RPS6KA2: variants seen among roughly 807,000 people sequenced by gnomAD.
The protein encoded by RPS6KA2 is ribosomal protein S6 kinase alpha-2.
RPS6KA2 carries 42 observed loss-of-function variants against 91.8 expected under a neutral mutation model. The observed-to-expected ratio is 0.46, with a 90% confidence interval of 0.36 to 0.59. The LOEUF (loss-of-function observed/expected upper bound fraction) is 0.59, where lower values mean the gene tolerates loss of function less well. Ranked by LOEUF, RPS6KA2 falls within the 20% of genes least tolerant of loss-of-function variation. The pLI, the probability that RPS6KA2 is intolerant of heterozygous loss-of-function variation, is 0.00. For synonymous variants in RPS6KA2, 414 were observed against 393.6 expected (o/e 1.05, Z -0.61); for missense variants, 798 against 978.5 (o/e 0.82, Z 2.46).
chr6:166,538,535 C>G, intron 2 of RPS6KA2, 133 bp downstream of exon 2: 1 of 574,132 alleles, frequency 1.7e-6, no homozygotes, highest in East Asian at 2.7e-5. Flanking sequence ...GACCCCGGTT[C>G]TGAACTGTCC....
intron 2 of RPS6KA2, among the ~76,000 whole-genome samples, chr6:166,684,645 C>T (rs935041511): frequency 3.9e-5 from 6 of 152,306 alleles, no homozygotes; most frequent in African/African-American, 1.4e-4. Flanking sequence ...CTTCACCCTG[C>T]TCTCTGCCCT....
intron 19 of RPS6KA2, among the ~76,000 whole-genome samples, chr6:166,416,155 T>C (rs2128437540): frequency 6.7e-6 from 1 of 150,326 alleles, no homozygotes; most frequent in Non-Finnish European, 1.5e-5. Context: ...CACCATCATC[T>C]TCACCACCAC....
At chr6:166,759,813 C>T (rs1269336595) in intron 2 of RPS6KA2, among the ~76,000 whole-genome samples, 3 of 152,198 alleles carry the variant, frequency 2.0e-5, no homozygotes, top group African/African-American at 4.8e-5. Flanking sequence ...AAGACACAGC[C>T]GCAGCCGAGT....
chr6:166,745,185 C>T (rs1356391361), intron 2 of RPS6KA2, among the ~76,000 whole-genome samples: 1 of 139,266 alleles, frequency 7.2e-6, no homozygotes, highest in Admixed American at 7.2e-5. Context: ...GAGTTTTGCC[C>T]TTGTTGCCCA....
intron 1 of RPS6KA2, among the ~76,000 whole-genome samples, chr6:166,586,905 G>T (rs1785193386): frequency 6.6e-6 from 1 of 152,222 alleles, no homozygotes; most frequent in South Asian, 2.1e-4. Context: ...TCCCAGTGGG[G>T]ACTACATTAC....
Position 166,451,220 on chromosome 6 carries a change from G to T in RPS6KA2, c.1089C>A (p.Val363=). The change falls in exon 13 of 21, where the codon GTC becomes GTA. Residue 363 remains valine (V), a synonymous_variant. Transcript: ENST00000265678. ...TARTPTDSPG[V]PPSANAHHLF... is the part of the protein sequence containing the mutation. The stretch of plus-strand genomic sequence containing the variant: ...GGTGATGAGCGTTTGCACTCGGGGG[G>T]ACGCCAGGAGAGTCTGTAGGTGACA... 1.9e-6 allele frequency: 3 copies of T among 1,613,970 alleles called. No individual in the cohort carries two copies. The highest frequency in any genetic ancestry group is 2.5e-6 in the Non-Finnish European group (3 of 1,179,944).
intron 1 of RPS6KA2, among the ~76,000 whole-genome samples, 167 bp from the exon 2 acceptor site, chr6:166,538,951 C>A: frequency 6.8e-6 from 1 of 146,536 alleles, no homozygotes; most frequent in African/African-American, 2.7e-5. Context: ...TTTTTTTTTT[C>A]TTAAGACGGA....
chr6:166,581,659 A>C, intron 1 of RPS6KA2, among the ~76,000 whole-genome samples: 1 of 151,576 alleles, frequency 6.6e-6, no homozygotes, highest in East Asian at 1.9e-4. Flanking sequence ...TATACCCAGA[A>C]ACAGACTAGT....
chr6:166,520,520 T>C (rs896651597), intron 3 of RPS6KA2, among the ~76,000 whole-genome samples: 1 of 152,214 alleles, frequency 6.6e-6, no homozygotes, highest in Non-Finnish European at 1.5e-5. Context: ...CTAAGAAATG[T>C]ATATCCATCC....
chr6:166,689,385 C>T lies in RPS6KA2; in HGVS notation c.124-150601G>A, dbSNP rs116248008. Reference sequence around the variant, plus strand: ...CAGGCACCTGCCACGGATATGTGTGCGTGGCTTCCCAACGTGATACAAGGA... The same window carrying T: ...CAGGCACCTGCCACGGATATGTGTGTGTGGCTTCCCAACGTGATACAAGGA... On this transcript the variant is annotated intron_variant, in intron 2 of 21. Coordinates refer to the RPS6KA2 transcript ENST00000503859. Among the ~76,000 whole-genome samples, 692 of 152,324 alleles carry T rather than the reference C, an allele frequency of 4.5e-3. 8 individuals are homozygous for T. Among genetic ancestry groups the T allele is most frequent in the African/African-American group, 0.016 (663 of 41,562 alleles).
chr6:166,627,149 G>A lies in RPS6KA2; in HGVS notation c.-130C>T. ...CCCGGCACGGCGGCCATGGGCGCGG[G>A]GCGTGGGGCGCGAGCTGCGGTCACA... On this transcript the variant is annotated 5_prime_UTR_variant, in exon 1 of 21. Coordinates refer to ENST00000265678, the MANE Select transcript of RPS6KA2 (RefSeq NM_021135.6). The A allele has an allele frequency of 8.9e-7, 1 of 1,118,322 alleles. No individual in the cohort carries two copies. The highest frequency in any genetic ancestry group is 1.1e-6 in the Non-Finnish European group (1 of 915,984). The allele number at this position is 1,118,322 out of a possible 1,614,324, so 69.3% of individuals were successfully genotyped here. A position where few individuals can be genotyped will look rare whatever the true frequency, so the allele number is the denominator to read the frequency against.
At chr6:166,633,158 G>A (rs1336854573) in intron 2 of RPS6KA2, among the ~76,000 whole-genome samples, 2 of 152,108 alleles carry the variant, frequency 1.3e-5, no homozygotes, top group African/African-American at 2.4e-5. Context: ...AGGCGGAGAC[G>A]GCAGTGAGCT....
At chr6:166,710,642 A>G (rs1789819472) in intron 2 of RPS6KA2, among the ~76,000 whole-genome samples, 1 of 152,136 alleles carries the variant, frequency 6.6e-6, no homozygotes, top group Non-Finnish European at 1.5e-5. Context: ...CTTCTCTTCC[A>G]GGAAGATGGA....
intron 2 of RPS6KA2, among the ~76,000 whole-genome samples, chr6:166,850,892 A>G (rs936820897): frequency 1.3e-5 from 2 of 152,154 alleles, no homozygotes; most frequent in South Asian, 2.1e-4. Flanking sequence ...GAAGGGACTG[A>G]GCCACCAGGT....
intron 2 of RPS6KA2, among the ~76,000 whole-genome samples, chr6:166,646,738 T>C (rs1212050749): frequency 1.3e-5 from 2 of 152,204 alleles, no homozygotes; most frequent in Non-Finnish European, 2.9e-5. Context: ...CCTAGGATCC[T>C]TGACTCCTAC....
At chr6:166,416,199 A>ACCTCC (rs1562478704) in intron 19 of RPS6KA2, among the ~76,000 whole-genome samples, 16 of 150,184 alleles carry the variant, frequency 1.1e-4, no homozygotes, top group Admixed American at 2.7e-4. Context: ...TTTCTCCATC[A>ACCTCC]ACCCTACCAT....
rs1418692990 is a variant in RPS6KA2, at chr6:166,413,708, G to T, written c.2076+86C>A. On this transcript the variant is annotated intron_variant, in intron 20 of 20. Transcript: ENST00000265678. ...ATGGGCTCTTTCTCTGCACTCTGTG[G>T]TTTCTTCGGAGTGATTGCAAGGTAT... 4.2e-6 allele frequency: 6 copies of T among 1,431,026 alleles called. No homozygotes were observed. In the African/African-American group the frequency reaches 5.7e-5, roughly 14 times the overall value. The allele number at this position is 1,431,026 out of a possible 1,614,324, so 88.6% of individuals were successfully genotyped here.
chr6:166,731,110 C>A (rs1331416634), intron 2 of RPS6KA2, among the ~76,000 whole-genome samples: 1 of 152,108 alleles, frequency 6.6e-6, no homozygotes, highest in African/African-American at 2.4e-5. Context: ...GGCGTGCTGG[C>A]GCATGCCTGT....
intron 2 of RPS6KA2, among the ~76,000 whole-genome samples, chr6:166,644,993 T>C (rs9459705): frequency 0.064 from 9,806 of 152,196 alleles, 698 homozygotes; most frequent in African/African-American, 0.17. Flanking sequence ...GAGGCATGAA[T>C]CAGATTCTTC....
Sources: gnomAD v4.1 joint callset for allele counts (sites outside exome capture counted in the v4.1 genomes callset) on GRCh38, gnomAD v4.1.1 for gene constraint, MANE v1.5 for transcripts, NCBI Gene and HGNC (gene_info 2026-07-23, HGNC 2026-07-21) for gene names.